SCML2: variants seen among roughly 807,000 people sequenced by gnomAD.
SCML2 encodes the protein sex comb on midleg-like protein 2.
SCML2 carries 6 observed loss-of-function variants against 48.4 expected under a neutral mutation model. That is an observed-to-expected ratio of 0.12 (90% CI 0.07 to 0.24). The LOEUF (loss-of-function observed/expected upper bound fraction) is 0.24. Ranked by LOEUF, SCML2 falls within the 10% of genes least tolerant of loss-of-function variation. SCML2 has a pLI of 1.00. For missense variants in SCML2, 377 were observed against 528.2 expected, an observed-to-expected ratio of 0.71 and a Z score of 2.81; for synonymous variants, 181 against 189.5, an observed-to-expected ratio of 0.95 and a Z score of 0.37.
In SCML2 at chrX:18,321,625, G is replaced by T. The variant is rs770085223; in HGVS notation, c.398-1205C>A. Among the ~76,000 whole-genome samples, 73 of 105,242 alleles carry T rather than the reference G, an allele frequency of 6.9e-4. 1 individual carries two copies. Among genetic ancestry groups the T allele is most frequent in the Admixed American group, 2.1e-3 (20 of 9,709 alleles). 91.4% of individuals were successfully genotyped at this position (105,242 alleles called of 115,157 possible). On this transcript the variant is annotated intron_variant, in intron 5 of 14. Transcript: ENST00000251900. ...AAAAAAAAAAAAAAAAAAAACAGGG[G>T]TGGGGGGAGATTTGTTACATACTCC...
At chrX:18,326,635 G>A (rs533447899) in intron 3 of SCML2, among the ~76,000 whole-genome samples, 1 of 99,349 alleles carries the variant, frequency 1.0e-5, no homozygotes, top group African/African-American at 3.8e-5. Context: ...AGCCAAGATC[G>A]CACCACTGCA....
intron 1 of SCML2, among the ~76,000 whole-genome samples, chrX:18,350,357 C>T (rs760830834): frequency 1.8e-5 from 2 of 109,218 alleles, no homozygotes; most frequent in African/African-American, 3.3e-5. Context: ...GGATGGATTA[C>T]CTGAGGTCAG....
intron 7 of SCML2, among the ~76,000 whole-genome samples, chrX:18,274,405 T>C (rs1295111773): frequency 1.8e-5 from 2 of 112,103 alleles, no homozygotes; most frequent in East Asian, 5.6e-4. Context: ...CATGAAGGGG[T>C]CAGGGAAATA....
intron 7 of SCML2, among the ~76,000 whole-genome samples, chrX:18,292,003 A>G (rs995983271): frequency 8.9e-6 from 1 of 111,872 alleles, no homozygotes; most frequent in Non-Finnish European, 1.9e-5. Flanking sequence ...ACTCAAATCA[A>G]TAAGAAAAAA....
At chrX:18,308,444 A>T (rs1928838685) in intron 6 of SCML2, among the ~76,000 whole-genome samples, 2 of 109,755 alleles carry the variant, frequency 1.8e-5, no homozygotes, top group Admixed American at 9.8e-5. Context: ...GAGATTAATA[A>T]CTAGAATATA....
At chrX:18,352,842 A>T (rs1244100811) in intron 1 of SCML2, among the ~76,000 whole-genome samples, 1 of 112,147 alleles carries the variant, frequency 8.9e-6, no homozygotes, top group Non-Finnish European at 1.9e-5. Flanking sequence ...GTAGAGTTAC[A>T]GTAATCTTTT....
intron 7 of SCML2, among the ~76,000 whole-genome samples, chrX:18,300,488 A>T (rs1296680286): frequency 1.8e-5 from 2 of 109,476 alleles, no homozygotes; most frequent in African/African-American, 6.7e-5. Context: ...AGCAGACGTT[A>T]AGGTTAAAAA....
At chrX:18,317,511 A>C (rs1253153005) in intron 6 of SCML2, among the ~76,000 whole-genome samples, 1 of 112,125 alleles carries the variant, frequency 8.9e-6, no homozygotes, top group African/African-American at 3.2e-5. Context: ...CTGATGTTTA[A>C]GAAAATAAAA....
chrX:18,300,790 C>CAA (rs752686386), intron 7 of SCML2, among the ~76,000 whole-genome samples: 1 of 59,065 alleles, frequency 1.7e-5, no homozygotes, highest in African/African-American at 6.4e-5. Flanking sequence ...GACTCCGTTT[C>CAA]AAAAAAAAAA....
intron 7 of SCML2, among the ~76,000 whole-genome samples, chrX:18,298,697 A>C (rs1405643604): frequency 9.1e-6 from 1 of 110,490 alleles, no homozygotes; most frequent in Non-Finnish European, 1.9e-5. Context: ...TCTCTAACTG[A>C]TGGGTAACCC....
At chrX:18,287,837 T>G (rs758442340) in intron 7 of SCML2, among the ~76,000 whole-genome samples, 1 of 111,490 alleles carries the variant, frequency 9.0e-6, no homozygotes, top group African/African-American at 3.3e-5. Flanking sequence ...ACATGTTTGT[T>G]TTCTACTTGC....
At position 18,265,720 on chromosome X, in the gene SCML2, A is replaced by C; in HGVS notation, c.813T>G (p.Thr271=). 1.7e-6 allele frequency: 2 copies of C among 1,210,610 alleles called. No homozygotes were observed. The highest frequency in any genetic ancestry group is 2.2e-6 in the Non-Finnish European group (2 of 894,579). ...CCTGCTGTGTTGGTAATATTAGAGT[A>C]GTTTTCTGTGGAGACTGCATTGAAT... ...SQHSMQSPQK[T]TLILPTQQVR... Residue 271 remains threonine, a synonymous_variant, in exon 8 of 15, where the codon ACT becomes ACG. Transcript: ENST00000251900.
At chrX:18,301,836 A>G (rs1928602786) in intron 7 of SCML2, among the ~76,000 whole-genome samples, 1 of 111,965 alleles carries the variant, frequency 8.9e-6, no homozygotes. Context: ...GAAGTTCTCT[A>G]AACAGGAAGA....
chrX:18,294,998 C>T (rs1164112698), intron 7 of SCML2, among the ~76,000 whole-genome samples: 1 of 111,270 alleles, frequency 9.0e-6, no homozygotes, highest in Non-Finnish European at 1.9e-5. Flanking sequence ...ACCCCCCACC[C>T]CCAGAAGCAA....
chrX:18,321,394 T>G (rs978316362), intron 5 of SCML2, among the ~76,000 whole-genome samples: 1 of 110,556 alleles, frequency 9.0e-6, no homozygotes, highest in Non-Finnish European at 1.9e-5. Context: ...CTTGCCTCAA[T>G]GCCAGAATTA....
Position 18,242,604 on chromosome X carries a change from GA to G in SCML2, c.1823-15del, listed in dbSNP as rs769069232. 5 of 1,193,354 alleles carry G rather than the reference GA, an allele frequency of 4.2e-6. No homozygotes were observed. The highest frequency in any genetic ancestry group is 1.8e-5 in the African/African-American group (1 of 56,005). ...TATAACTTGGAGCTTCAATGGGGGG[GA>G]AAAAAGACAAATCATACTTGACCTG... On this transcript the variant is annotated splice_polypyrimidine_tract_variant and intron_variant, in intron 13 of 14. Transcript: ENST00000251900.
At chrX:18,259,619 C>T (rs1926986711) in intron 9 of SCML2, among the ~76,000 whole-genome samples, 2 of 111,852 alleles carry the variant, frequency 1.8e-5, no homozygotes, top group African/African-American at 6.5e-5. Context: ...ATCCATTTAG[C>T]TAGTCTTTCC....
At position 18,336,669 on chromosome X, in the gene SCML2, G is replaced by A. The variant is rs767791944; in HGVS notation, c.-24-2574C>T. Among the ~76,000 whole-genome samples, 6 of 109,993 alleles carry A rather than the reference G, an allele frequency of 5.5e-5. No individual in the cohort carries two copies. The South Asian group carries it at 2.0e-3, about 36-fold the overall frequency. On this transcript the variant is annotated intron_variant, in intron 1 of 14. Transcript: ENST00000251900. ...GGAGAATGATGTGAACCCGGGAGGC[G>A]GAGTTTGCAGTGAGCCAAGATCACG...
intron 6 of SCML2, among the ~76,000 whole-genome samples, chrX:18,318,513 C>T (rs776411046): frequency 8.9e-6 from 1 of 112,711 alleles, no homozygotes; most frequent in South Asian, 3.7e-4. Context: ...TTCTCAAGAA[C>T]ATAAACTACT....
Sources: gnomAD v4.1 joint callset for allele counts (sites outside exome capture counted in the v4.1 genomes callset) on GRCh38, gnomAD v4.1.1 for gene constraint, MANE v1.5 for transcripts, NCBI Gene and HGNC (gene_info 2026-07-23, HGNC 2026-07-21) for gene names.